The following INPP4B variants were observed in gnomAD, a reference collection of about 807,000 sequenced individuals.
The protein encoded by INPP4B is inositol polyphosphate 4-phosphatase type II.
INPP4B carries 55 observed loss-of-function variants against 122.5 expected under a neutral mutation model. The observed-to-expected ratio is 0.45, with a 90% CI of 0.36 to 0.56. The LOEUF (loss-of-function observed/expected upper bound fraction) is 0.56, where lower values mean the gene tolerates loss of function less well. INPP4B is among the 20% of genes least tolerant of loss of function. The probability of loss-of-function intolerance (pLI) is 0.00; values close to 1 mark genes in which losing one functional copy is unlikely to be tolerated. For missense variants in INPP4B, 1,000 were observed against 1,097.7 expected, an observed-to-expected ratio of 0.91 and a Z score of 1.26; for synonymous variants, 403 against 388.7, an observed-to-expected ratio of 1.04 and a Z score of -0.43.
chr4:142,256,272 C>G (rs1206285749), intron 11 of INPP4B, among the ~76,000 whole-genome samples: 1 of 151,800 alleles, frequency 6.6e-6, no homozygotes, highest in South Asian at 2.1e-4. Context: ...AAAATCGACA[C>G]CCTAACATCA....
At chr4:142,751,884 C>CCA (rs1050486135) in intron 1 of INPP4B, among the ~76,000 whole-genome samples, 1 of 152,050 alleles carries the variant, frequency 6.6e-6, no homozygotes, top group African/African-American at 2.4e-5. Context: ...GATGCACTGT[C>CCA]CAAAAGAGAC....
intron 7 of INPP4B, among the ~76,000 whole-genome samples, chr4:142,344,441 C>T (rs897540212): frequency 1.1e-4 from 16 of 152,038 alleles, no homozygotes; most frequent in Admixed American, 1.0e-3. Context: ...TTCCTTTTTC[C>T]ACCATGCCTG....
intron 1 of INPP4B, among the ~76,000 whole-genome samples, chr4:142,834,778 C>T (rs982849980): frequency 4.6e-5 from 7 of 152,130 alleles, no homozygotes; most frequent in South Asian, 2.1e-4. Context: ...AGTACCACAT[C>T]GCCTAAGAGA....
intron 7 of INPP4B, among the ~76,000 whole-genome samples, chr4:142,361,423 G>A (rs1235367717): frequency 2.0e-5 from 3 of 151,992 alleles, no homozygotes; most frequent in South Asian, 4.2e-4. Flanking sequence ...ATGTCGATTC[G>A]CCACTTCTTC....
chr4:142,631,640 C>A (rs967852869), intron 2 of INPP4B, among the ~76,000 whole-genome samples: 1 of 151,964 alleles, frequency 6.6e-6, no homozygotes, highest in Non-Finnish European at 1.5e-5. Flanking sequence ...CTAAATACAT[C>A]ATGGTAAGCC....
At chr4:142,636,050 T>C (rs1402439777) in intron 2 of INPP4B, among the ~76,000 whole-genome samples, 6 of 152,042 alleles carry the variant, frequency 3.9e-5, no homozygotes, top group African/African-American at 1.2e-4. Flanking sequence ...ATGGGGGCAG[T>C]TTCCCCCATG....
intron 14 of INPP4B, chr4:142,202,639 AAC>A (rs1202946434): frequency 3.8e-6 from 2 of 529,134 alleles, no homozygotes; most frequent in Middle Eastern, 9.4e-4. Flanking sequence ...CTCCATAGTT[AAC>A]ACAGTAAATT....
chr4:142,495,286 C>T (rs574365408), intron 2 of INPP4B, among the ~76,000 whole-genome samples: 4 of 151,808 alleles, frequency 2.6e-5, no homozygotes, highest in East Asian at 1.9e-4. Context: ...TACCAAAAAA[C>T]GACTCTTCTC....
At chr4:142,633,974 A>C (rs957604589) in intron 2 of INPP4B, among the ~76,000 whole-genome samples, 2 of 151,698 alleles carry the variant, frequency 1.3e-5, no homozygotes, top group African/African-American at 4.8e-5. Flanking sequence ...TCTGGTGAGC[A>C]GTGATCACAC....
At chr4:142,832,561 G>C (rs55947218) in intron 1 of INPP4B, among the ~76,000 whole-genome samples, 3,219 of 152,276 alleles carry the variant, frequency 0.021, 109 homozygotes, top group African/African-American at 0.073. Flanking sequence ...AGGGAGAAAA[G>C]TCCACCTGGC....
At chr4:142,064,822 A>G (rs1762702412) in intron 25 of INPP4B, among the ~76,000 whole-genome samples, 2 of 152,162 alleles carry the variant, frequency 1.3e-5, no homozygotes, top group Admixed American at 6.6e-5. Context: ...CAACTATTGT[A>G]TTTCTATTTT....
chr4:142,335,033 C>T (rs168013), intron 7 of INPP4B, among the ~76,000 whole-genome samples: 1 of 142,344 alleles, frequency 7.0e-6, no homozygotes, highest in Non-Finnish European at 1.5e-5. Context: ...TTCTGGCCTT[C>T]TAAGACCTCC....
chr4:142,510,705 C>T (rs762685129), intron 2 of INPP4B, among the ~76,000 whole-genome samples: 3 of 152,094 alleles, frequency 2.0e-5, no homozygotes, highest in Non-Finnish European at 4.4e-5. Context: ...TTTAGAGCTT[C>T]TATTACTTGT....
At chr4:142,419,873 C>T (rs1381544063) in intron 5 of INPP4B, among the ~76,000 whole-genome samples, 2 of 152,064 alleles carry the variant, frequency 1.3e-5, no homozygotes, top group Non-Finnish European at 1.5e-5. Context: ...TCTCTCCCAA[C>T]CCTGGTGGCT....
intron 2 of INPP4B, among the ~76,000 whole-genome samples, chr4:142,491,592 G>A (rs1001205907): frequency 2.6e-5 from 4 of 152,198 alleles, no homozygotes; most frequent in Non-Finnish European, 5.9e-5. Context: ...GGGAGGTGGA[G>A]GTTGCAGTGA....
intron 2 of INPP4B, among the ~76,000 whole-genome samples, chr4:142,579,857 GGATAGATAGATAGATAGGTAGGTAGATA>G (rs1734631789): frequency 1.5e-5 from 2 of 130,554 alleles, no homozygotes; most frequent in Admixed American, 1.6e-4. Context: ...TTGGATGAAT[GGATAGATAGATAGATAGGTAGGTAGATA>G]GATAGATAGA....
chr4:142,252,355 AT>A (rs901889050), intron 11 of INPP4B, among the ~76,000 whole-genome samples: 54 of 151,182 alleles, frequency 3.6e-4, no homozygotes, highest in African/African-American at 1.2e-3. Context: ...CGCCCGGCTA[AT>A]TTTTTGTATT....
At chr4:142,522,687 T>G (rs1826257051) in intron 2 of INPP4B, among the ~76,000 whole-genome samples, 1 of 152,010 alleles carries the variant, frequency 6.6e-6, no homozygotes, top group Non-Finnish European at 1.5e-5. Flanking sequence ...AGTGGTGGCC[T>G]CAGGTGGCAT....
intron 7 of INPP4B, among the ~76,000 whole-genome samples, chr4:142,376,076 TGC>T (rs1791734710): frequency 6.6e-6 from 1 of 152,060 alleles, no homozygotes; most frequent in Non-Finnish European, 1.5e-5. Flanking sequence ...AAGAGGCCTG[TGC>T]ATATGTCATT....
Sources: gnomAD v4.1 joint callset for allele counts (sites outside exome capture counted in the v4.1 genomes callset) on GRCh38, gnomAD v4.1.1 for gene constraint, MANE v1.5 for transcripts, NCBI Gene and HGNC (gene_info 2026-07-23, HGNC 2026-07-21) for gene names.